The following SOD2 variants were observed in gnomAD, a reference collection of about 807,000 sequenced individuals.
SOD2 encodes the protein superoxide dismutase [Mn], mitochondrial.
Under a neutral mutation model 27.0 loss-of-function variants are expected in SOD2, and 11 were observed. That is an observed-to-expected ratio of 0.41 (90% CI 0.26 to 0.67). The LOEUF (loss-of-function observed/expected upper bound fraction) is 0.67, where lower values mean the gene tolerates loss of function less well. SOD2 is among the 30% of genes least tolerant of loss of function. The probability of loss-of-function intolerance (pLI) is 0.34; values close to 1 mark genes in which losing one functional copy is unlikely to be tolerated. For synonymous variants in SOD2, 105 were observed against 103.0 expected (o/e 1.02, Z -0.12); for missense variants, 250 against 274.5 (o/e 0.91, Z 0.63).
At chr6:159,715,193 T>C (rs74411000) in intron 1 of SOD2, among the ~76,000 whole-genome samples, 2,769 of 151,998 alleles carry the variant, frequency 0.018, 96 homozygotes, top group African/African-American at 0.063. Context: ...AGAGGACCAA[T>C]TGGGGGGCCA....
upstream of SOD2, among the ~76,000 whole-genome samples, chr6:159,729,844 G>T (rs1269111378): frequency 6.6e-6 from 1 of 152,158 alleles, no homozygotes; most frequent in Non-Finnish European, 1.5e-5. Context: ...GTTTTGGCTG[G>T]CGCTTGCCTC....
intron 1 of SOD2, among the ~76,000 whole-genome samples, chr6:159,704,973 T>A (rs1004698543): frequency 2.0e-5 from 3 of 152,210 alleles, no homozygotes; most frequent in Non-Finnish European, 4.4e-5. Context: ...TCAGCAATAT[T>A]CGCTGTTCTG....
Position 159,685,039 on chromosome 6 carries a change from A to T in SOD2, c.344-6T>A, listed in dbSNP as rs1583007257. On this transcript the variant is annotated splice_polypyrimidine_tract_variant and splice_region_variant and intron_variant, in intron 3 of 4. Transcript: ENST00000538183. The stretch of plus-strand genomic sequence containing the variant: ...GATGGCTTCCAGCAACTCCCCTATT[A>T]AAAAAAAAATCCAAAACCACCCACA... The T allele has an allele frequency of 1.5e-6, 2 of 1,309,842 alleles. No individual in the cohort carries two copies. Among genetic ancestry groups the T allele is most frequent in the East Asian group, 2.8e-5 (1 of 35,686 alleles). 81.1% of individuals were successfully genotyped at this position (1,309,842 alleles called of 1,614,324 possible). A position where few individuals can be genotyped will look rare whatever the true frequency, so the allele number is the denominator to read the frequency against.
At position 159,689,821 on chromosome 6, in the gene SOD2, A is replaced by G. The variant is rs973799188; in HGVS notation, c.227-1579T>C. Among the ~76,000 whole-genome samples, 7 of 152,222 alleles carry G rather than the reference A, an allele frequency of 4.6e-5. No individual in the cohort carries two copies. In the South Asian group the frequency reaches 1.5e-3, roughly 32 times the overall value. ...CTAAAAATACAGAAATTAGCCAGGT[A>G]TGGTGGCGCGTGCCTATAATCCCAG... On this transcript the variant is annotated intron_variant, in intron 2 of 4. Coordinates refer to ENST00000538183, the MANE Select transcript of SOD2 (RefSeq NM_000636.4).
intron 1 of SOD2, among the ~76,000 whole-genome samples, chr6:159,759,008 C>T (rs1282807398): frequency 7.9e-5 from 12 of 151,978 alleles, no homozygotes; most frequent in Non-Finnish European, 1.6e-4. Flanking sequence ...ACTCACCCTG[C>T]TCACCAGTCC....
intron 1 of SOD2, chr6:159,755,807 C>T (rs1451850014): frequency 8.2e-5 from 71 of 868,902 alleles, no homozygotes; most frequent in African/African-American, 2.8e-4. Context: ...ATACTTCTGC[C>T]GCTTTGGAAA....
rs1779800154 is a variant in SOD2, at chr6:159,677,304, A to C, written c.*5189T>G. ...CCTTTTCACAAACTGAGAAATCTTA[A>C]ATTTTTTTTAACGTGTCCCAGAAGC... On this transcript the variant is annotated 3_prime_UTR_variant, in exon 5 of 5. Coordinates refer to ENST00000538183, the MANE Select transcript of SOD2 (RefSeq NM_000636.4). 6.6e-6 allele frequency: 1 copy of C among 152,122 alleles called. No homozygotes were observed. The highest frequency in any genetic ancestry group is 2.4e-5 in the African/African-American group (1 of 41,420). The allele number at this position is 152,122 out of a possible 1,614,324, so 9.4% of individuals were successfully genotyped here.
At chr6:159,731,808 T>C (rs1778587264), upstream of SOD2, among the ~76,000 whole-genome samples, 1 of 152,230 alleles carries the variant, frequency 6.6e-6, no homozygotes, top group African/African-American at 2.4e-5. Context: ...CTTTTGTATT[T>C]GCAAAGTTGA....
intron 1 of SOD2, chr6:159,743,628 T>C: frequency 8.3e-6 from 13 of 1,558,636 alleles, no homozygotes; most frequent in Non-Finnish European, 1.0e-5. Context: ...GAACTTGATC[T>C]TAAAATTGTA....
chr6:159,747,058 T>C (rs920285956), upstream of SOD2, among the ~76,000 whole-genome samples: 2 of 152,220 alleles, frequency 1.3e-5, no homozygotes, highest in African/African-American at 4.8e-5. Flanking sequence ...GAAACAAATA[T>C]ATTCCCAAAC....
intron 1 of SOD2, among the ~76,000 whole-genome samples, chr6:159,735,326 A>C (rs938298027): frequency 4.6e-5 from 7 of 152,168 alleles, no homozygotes; most frequent in African/African-American, 1.4e-4. Context: ...TTTTTGGTAG[A>C]GACCGAGTTT....
Position 159,669,667 on chromosome 6 carries a change from T to A in SOD2, c.*12826A>T, listed in dbSNP as rs1365684361. The A allele has an allele frequency of 6.6e-6, 1 of 152,196 alleles. No homozygotes were observed. Among genetic ancestry groups the A allele is most frequent in the African/African-American group, 2.4e-5 (1 of 41,450 alleles). The allele number at this position is 152,196 out of a possible 1,614,324, so 9.4% of individuals were successfully genotyped here. ...CAAAAAAATTTTCTTAATAAAAAAA[T>A]ATGATTATATCTTGCATGAATTGAT... On this transcript the variant is annotated 3_prime_UTR_variant, in exon 5 of 5. Transcript: ENST00000538183.
upstream of SOD2, among the ~76,000 whole-genome samples, chr6:159,749,589 A>G (rs1287546973): frequency 6.6e-6 from 1 of 152,182 alleles, no homozygotes; most frequent in Non-Finnish European, 1.5e-5. Context: ...TCATTTTTAA[A>G]AGACCTACAT....
At chr6:159,704,866 G>A (rs1777592650) in intron 1 of SOD2, among the ~76,000 whole-genome samples, 1 of 152,208 alleles carries the variant, frequency 6.6e-6, no homozygotes, top group Non-Finnish European at 1.5e-5. Flanking sequence ...CTAACTGGGA[G>A]GCACCCCCCA....
At chr6:159,713,324 C>T in intron 1 of SOD2, 1 of 658,106 alleles carries the variant, frequency 1.5e-6, no homozygotes, top group African/African-American at 1.8e-5. Context: ...AAACCCAGCT[C>T]CTCTGCCAAT....
At chr6:159,755,822 A>G (rs1263296670) in intron 1 of SOD2, 8 of 757,136 alleles carry the variant, frequency 1.1e-5, no homozygotes, top group Non-Finnish European at 6.8e-6. Context: ...TGGAAATTGT[A>G]ACAGTTAATT....
intron 1 of SOD2, chr6:159,726,760 G>A (rs1269059679): frequency 1.4e-5 from 18 of 1,287,424 alleles, no homozygotes; most frequent in South Asian, 6.2e-5. Context: ...CGTCTCCAGA[G>A]ATGTCAAGGA....
rs190351467 is a variant in SOD2, at chr6:159,753,708, A to G, written c.-335-5032T>C. 1.5e-3 allele frequency: 2,067 copies of G among 1,425,090 alleles called. 4 individuals are homozygous for G. Among genetic ancestry groups the G allele is most frequent in the Admixed American group, 2.4e-3 (101 of 42,506 alleles). 88.3% of individuals were successfully genotyped at this position (1,425,090 alleles called of 1,614,324 possible). ...GAATATTATAGGTTAGATTCTGTAC[A>G]TTGTTAACCTCTGCCCTATGATTGT... On this transcript the variant is annotated intron_variant, in intron 1 of 7. Transcript: ENST00000546087.
chr6:159,761,526 T>G (rs1342896785), exon 1 of SOD2: 1 of 455,284 alleles, frequency 2.2e-6, no homozygotes, highest in African/African-American at 2.0e-5. Context: ...GAGAAACGCA[T>G]AGGACCTCCC....
Sources: gnomAD v4.1 joint callset for allele counts (sites outside exome capture counted in the v4.1 genomes callset) on GRCh38, gnomAD v4.1.1 for gene constraint, MANE v1.5 for transcripts, NCBI Gene and HGNC (gene_info 2026-07-23, HGNC 2026-07-21) for gene names.